MRPL3: variants seen among roughly 807,000 people sequenced by gnomAD.
The protein encoded by MRPL3 is mitochondrial ribosomal protein L3.
A neutral mutation model predicts 44.3 loss-of-function variants in MRPL3; 43 were observed. That is an observed-to-expected ratio of 0.97 (90% confidence interval 0.76 to 1.25). The LOEUF (loss-of-function observed/expected upper bound fraction) is 1.25. Ranked by LOEUF, MRPL3 falls within the 50% of genes most tolerant of loss-of-function variation. MRPL3 has a pLI of 0.00. For missense variants in MRPL3, 406 were observed against 427.6 expected (o/e 0.95, Z 0.45); for synonymous variants, 171 against 152.3 (o/e 1.12, Z -0.91).
At chr3:131,488,369 TAA>T (rs1439571675) in intron 5 of MRPL3, among the ~76,000 whole-genome samples, 1 of 152,182 alleles carries the variant, frequency 6.6e-6, no homozygotes, top group Non-Finnish European at 1.5e-5. Context: ...TGTATGCAAA[TAA>T]AGTCTTACTT....
At chr3:131,489,192 T>C (rs1559827532) in intron 5 of MRPL3, among the ~76,000 whole-genome samples, 1 of 152,152 alleles carries the variant, frequency 6.6e-6, no homozygotes, top group Non-Finnish European at 1.5e-5. Flanking sequence ...TAAACTATTC[T>C]AATATACAAT....
chr3:131,476,679 T>C (rs1933859844), intron 6 of MRPL3, among the ~76,000 whole-genome samples: 1 of 152,238 alleles, frequency 6.6e-6, no homozygotes, highest in African/African-American at 2.4e-5. Flanking sequence ...AGAGTATCTA[T>C]ACTAAAATAT....
In MRPL3 at chr3:131,500,075, A is replaced by C. The variant is rs116543251; in HGVS notation, c.369+355T>G. Among the ~76,000 whole-genome samples the C allele has an allele frequency of 3.0e-3, 463 of 152,330 alleles. 2 individuals carry two copies. Among genetic ancestry groups the C allele is most frequent in the African/African-American group, 0.011 (448 of 41,566 alleles). On this transcript the variant is annotated intron_variant, in intron 3 of 9. Coordinates refer to ENST00000264995, the MANE Select transcript of MRPL3 (RefSeq NM_007208.4). ...AAGAGTATTATATTCTGTTAGCAAA[A>C]AGATCAAAACTGTAATCTGGAGTTG...
intron 4 of MRPL3, among the ~76,000 whole-genome samples, chr3:131,495,217 A>C (rs538594269): frequency 2.6e-5 from 4 of 152,244 alleles, no homozygotes; most frequent in Admixed American, 2.6e-4. Flanking sequence ...AAAATCCTCT[A>C]TAATCAATCG....
chr3:131,484,272 A>G (rs574853539), intron 6 of MRPL3, among the ~76,000 whole-genome samples: 112 of 152,290 alleles, frequency 7.4e-4, no homozygotes, highest in African/African-American at 2.4e-3. Flanking sequence ...AGCAGCATCT[A>G]TATCACCTGG....
chr3:131,462,654 G>T lies in MRPL3; in HGVS notation c.*69C>A. 7.1e-7 allele frequency: 1 copy of T among 1,403,318 alleles called. No homozygotes were observed. The highest frequency in any genetic ancestry group is 9.6e-7 in the Non-Finnish European group (1 of 1,037,122). The allele number at this position is 1,403,318 out of a possible 1,614,324, so 86.9% of individuals were successfully genotyped here. A position where few individuals can be genotyped will look rare whatever the true frequency, so the allele number is the denominator to read the frequency against. ...CTAAGAAAGGAGAGTATGATTTCTG[G>T]TGGTTATGATATCACTCTGGCTCAT... On this transcript the variant is annotated 3_prime_UTR_variant, in exon 10 of 10. Coordinates refer to ENST00000264995, the MANE Select transcript of MRPL3 (RefSeq NM_007208.4).
intron 7 of MRPL3, among the ~76,000 whole-genome samples, chr3:131,470,453 G>A (rs1933714304): frequency 6.6e-6 from 1 of 152,084 alleles, no homozygotes; most frequent in Admixed American, 6.6e-5. Flanking sequence ...ATTAACAGGT[G>A]AAACTCTCAG....
At chr3:131,476,948 G>A (rs1490896637) in intron 6 of MRPL3, among the ~76,000 whole-genome samples, 3 of 152,162 alleles carry the variant, frequency 2.0e-5, no homozygotes, top group Non-Finnish European at 4.4e-5. Context: ...TGAAAAGATG[G>A]TTTGAAGAAA....
At chr3:131,493,334 A>G (rs1934298668) in intron 4 of MRPL3, among the ~76,000 whole-genome samples, 1 of 152,216 alleles carries the variant, frequency 6.6e-6, no homozygotes, top group Admixed American at 6.5e-5. Context: ...TTTCCTATCC[A>G]GATCCCTCTC....
At chr3:131,473,837 G>A (rs949108256) in intron 6 of MRPL3, among the ~76,000 whole-genome samples, 7 of 152,062 alleles carry the variant, frequency 4.6e-5, no homozygotes, top group African/African-American at 1.4e-4. Context: ...TCAGGGAAAT[G>A]CAAATCAAAA....
chr3:131,497,538 G>A (rs1279633896), intron 4 of MRPL3, among the ~76,000 whole-genome samples: 1 of 152,102 alleles, frequency 6.6e-6, no homozygotes, highest in Non-Finnish European at 1.5e-5. Context: ...GATGTTTACT[G>A]AAAACCATCA....
chr3:131,468,621 G>C (rs1339366085), intron 8 of MRPL3, among the ~76,000 whole-genome samples: 1 of 152,014 alleles, frequency 6.6e-6, no homozygotes, highest in African/African-American at 2.4e-5. Context: ...ACATAAATGG[G>C]AGAGAATGAT....
At chr3:131,472,801 A>G (rs1216843804) in intron 6 of MRPL3, among the ~76,000 whole-genome samples, 2 of 152,200 alleles carry the variant, frequency 1.3e-5, no homozygotes, top group Non-Finnish European at 2.9e-5. Flanking sequence ...AAAAATCAAG[A>G]AAACAATTCC....
chr3:131,465,934 T>C (rs569040598), intron 9 of MRPL3, among the ~76,000 whole-genome samples: 6 of 151,304 alleles, frequency 4.0e-5, no homozygotes, highest in Admixed American at 1.3e-4. Flanking sequence ...TCCCACTCTG[T>C]TGCCCAGGCT....
At chr3:131,486,127 T>C (rs1296885545) in intron 6 of MRPL3, among the ~76,000 whole-genome samples, 1 of 152,078 alleles carries the variant, frequency 6.6e-6, no homozygotes, top group Non-Finnish European at 1.5e-5. Flanking sequence ...TGGCTAGCCA[T>C]ATGTAGAAAG....
At chr3:131,472,290 G>A (rs1032902139) in intron 6 of MRPL3, among the ~76,000 whole-genome samples, 26 of 152,110 alleles carry the variant, frequency 1.7e-4, no homozygotes, top group Non-Finnish European at 3.4e-4. Flanking sequence ...TAAAATCAGA[G>A]AGTAACAATT....
chr3:131,502,903 G>C lies in MRPL3; in HGVS notation c.-82C>G, dbSNP rs755964771. ...CAGGGAGTCCCCACGCCACCGCCACGTGGACGCAGTAGCCGTGGGGAAGTT... is the reference window on the plus strand; with the variant it reads ...CAGGGAGTCCCCACGCCACCGCCACCTGGACGCAGTAGCCGTGGGGAAGTT... On this transcript the variant is annotated 5_prime_UTR_variant, in exon 1 of 10. Coordinates refer to ENST00000264995, the MANE Select transcript of MRPL3 (RefSeq NM_007208.4). 5.1e-5 allele frequency: 65 copies of C among 1,280,544 alleles called. No individual in the cohort carries two copies. Among genetic ancestry groups the C allele is most frequent in the Non-Finnish European group, 6.8e-5 (61 of 896,360 alleles). The allele number at this position is 1,280,544 out of a possible 1,614,324, so 79.3% of individuals were successfully genotyped here. A position where few individuals can be genotyped will look rare whatever the true frequency, so the allele number is the denominator to read the frequency against.
intron 6 of MRPL3, among the ~76,000 whole-genome samples, chr3:131,474,163 A>C (rs2110698424): frequency 6.6e-6 from 1 of 152,334 alleles, no homozygotes; most frequent in Middle Eastern, 3.4e-3. Context: ...GTCCAATAAC[A>C]GACAAAATAA....
chr3:131,475,332 A>G (rs1933832519), intron 6 of MRPL3, among the ~76,000 whole-genome samples: 1 of 152,172 alleles, frequency 6.6e-6, no homozygotes, highest in African/African-American at 2.4e-5. Flanking sequence ...TGAATAATAC[A>G]GTTTGTTTTC....
Sources: allele counts gnomAD v4.1 joint callset (sites outside exome capture counted in the v4.1 genomes callset), GRCh38; gene constraint gnomAD v4.1.1; transcripts MANE v1.5; gene names NCBI Gene and HGNC (gene_info 2026-07-23, HGNC 2026-07-21).